Variants in TLL2 observed in about 807,000 individuals in gnomAD.
The protein encoded by TLL2 is tolloid like 2.
TLL2 carries 106 observed loss-of-function variants against 123.0 expected under a neutral mutation model. That is an observed-to-expected ratio of 0.86 (90% CI 0.74 to 1.01). The LOEUF (loss-of-function observed/expected upper bound fraction) is 1.01, where lower values mean the gene tolerates loss of function less well. Among genes scored for constraint, TLL2 ranks in the 50% least tolerant of loss-of-function variants. The probability of loss-of-function intolerance (pLI) is 0.00; values close to 1 mark genes in which losing one functional copy is unlikely to be tolerated. For missense variants in TLL2, 1,332 were observed against 1,336.7 expected (o/e 1.00, Z 0.06); for synonymous variants, 494 against 516.8 (o/e 0.96, Z 0.60).
Position 96,397,314 on chromosome 10 carries a change from A to G in TLL2, c.1268-12T>C, listed in dbSNP as rs368910805. 3.7e-6 allele frequency: 6 copies of G among 1,607,334 alleles called. No homozygotes were observed. In the African/African-American group the frequency reaches 8.0e-5, roughly 22 times the overall value. Reference sequence around the variant, plus strand: ...GCCACAAAACCTGCCTGGAAAGTGGAAAAAGAAGCAGTTAGGAGCCCTGGG... The same window carrying G: ...GCCACAAAACCTGCCTGGAAAGTGGGAAAAGAAGCAGTTAGGAGCCCTGGG... On this transcript the variant is annotated splice_polypyrimidine_tract_variant and intron_variant, in intron 10 of 20. Transcript: ENST00000357947.
chr10:96,392,142 C>T (rs532114020), intron 13 of TLL2, among the ~76,000 whole-genome samples: 16 of 152,242 alleles, frequency 1.1e-4, no homozygotes, highest in South Asian at 2.1e-4. Context: ...GTTGAATGCA[C>T]GCTAGATGGG....
intron 18 of TLL2, chr10:96,374,019 A>G: frequency 1.8e-6 from 1 of 571,426 alleles, no homozygotes; most frequent in Non-Finnish European, 3.1e-6. Context: ...AAGTGGCCCT[A>G]TGAAGTAGTT....
In TLL2 at chr10:96,373,721, ATGGGGGCCAGGC is replaced by A. The variant is rs1194907975; in HGVS notation, c.2525_2536del (p.Ser842_Pro845del). ...CTTGCTGCCGCAGAAACGGCCCAGA[ATGGGGGCCAGGC>A]TGTCCGGCCCGTCATACATTTCCAG... On this transcript the variant is annotated inframe_deletion, in exon 19 of 21. Transcript: ENST00000357947. The A allele has an allele frequency of 3.7e-6, 6 of 1,614,230 alleles. No homozygotes were observed. The highest frequency in any genetic ancestry group is 4.2e-6 in the Non-Finnish European group (5 of 1,180,030).
intron 2 of TLL2, among the ~76,000 whole-genome samples, chr10:96,469,544 C>G (rs1406185585): frequency 6.6e-6 from 1 of 152,208 alleles, no homozygotes; most frequent in Non-Finnish European, 1.5e-5. Context: ...CCACCAGCCT[C>G]CCGCCTGGGT....
At chr10:96,483,737 G>T (rs996161121) in intron 1 of TLL2, among the ~76,000 whole-genome samples, 4 of 152,080 alleles carry the variant, frequency 2.6e-5, no homozygotes, top group African/African-American at 7.2e-5. Context: ...AAGAGGGGAG[G>T]AGGCCTGTGA....
At chr10:96,386,246 T>C (rs768132460) in intron 14 of TLL2, 31 bp from the exon 15 acceptor site, 15 of 1,519,508 alleles carry the variant, frequency 9.9e-6, no homozygotes, top group Admixed American at 4.1e-5. Flanking sequence ...CAGGATTCAT[T>C]TGGCTTTGGC....
At chr10:96,374,778 C>G (rs548690274) in intron 18 of TLL2, among the ~76,000 whole-genome samples, 78 of 152,290 alleles carry the variant, frequency 5.1e-4, no homozygotes, top group African/African-American at 1.8e-3. Flanking sequence ...TGTCCCCTAA[C>G]GCTCGCCAGG....
Position 96,366,074 on chromosome 10 carries a change from C to T in TLL2, c.*2014G>A, listed in dbSNP as rs75424053. On this transcript the variant is annotated 3_prime_UTR_variant, in exon 21 of 21. Transcript: ENST00000357947. Reference sequence around the variant, plus strand: ...TATTTCCTTGGAGAAAGAACCATAACACCCATCTTAGGTTTCCCAGTTCCA... The same window carrying T: ...TATTTCCTTGGAGAAAGAACCATAATACCCATCTTAGGTTTCCCAGTTCCA... 3.3e-5 allele frequency: 5 copies of T among 152,326 alleles called. No individual in the cohort carries two copies. In the East Asian group the frequency reaches 9.6e-4, roughly 29 times the overall value. 9.4% of individuals were successfully genotyped at this position (152,326 alleles called of 1,614,324 possible). A position where few individuals can be genotyped will look rare whatever the true frequency, so the allele number is the denominator to read the frequency against.
At position 96,368,183 on chromosome 10, in the gene TLL2, T is replaced by C; in HGVS notation, c.2953A>G (p.Ile985Val). The change falls in exon 21 of 21, where the codon ATT (isoleucine) becomes GTT (valine). Residue 985 changes from isoleucine (I) to valine (V), a missense_variant. Transcript: ENST00000357947. ...ATGGTGTCATCTGTGCGGAATCGAATCATCAGGGAATCACCTGCAGAGTAG... is the reference window on the plus strand; with the variant it reads ...ATGGTGTCATCTGTGCGGAATCGAACCATCAGGGAATCACCTGCAGAGTAG... The part of the protein sequence containing the change: ...EIYSAGDSLM[I>V]RFRTDDTINK... 2 of 1,614,160 alleles carry C rather than the reference T, an allele frequency of 1.2e-6. No individual in the cohort carries two copies. The highest frequency in any genetic ancestry group is 1.7e-6 in the Non-Finnish European group (2 of 1,180,044).
At chr10:96,445,066 G>T (rs1300248530) in intron 3 of TLL2, among the ~76,000 whole-genome samples, 1 of 152,046 alleles carries the variant, frequency 6.6e-6, no homozygotes, top group Non-Finnish European at 1.5e-5. Flanking sequence ...GCGGGCGCCT[G>T]TAGTCCCAGC....
Position 96,367,974 on chromosome 10 carries a change from G to A in TLL2, c.*114C>T. ...CTCTAAGGCTGGATTCTGAGTTTTT[G>A]TTTGAGAAAAATACTGTACACTGTT... On this transcript the variant is annotated 3_prime_UTR_variant, in exon 21 of 21. Coordinates refer to ENST00000357947, the MANE Select transcript of TLL2 (RefSeq NM_012465.4). The A allele has an allele frequency of 5.3e-6, 7 of 1,323,936 alleles. No individual in the cohort carries two copies. The highest frequency in any genetic ancestry group is 7.1e-6 in the Non-Finnish European group (7 of 981,242). 82.0% of individuals were successfully genotyped at this position (1,323,936 alleles called of 1,614,324 possible).
At chr10:96,414,107 C>A (rs995221976) in intron 7 of TLL2, among the ~76,000 whole-genome samples, 1 of 152,144 alleles carries the variant, frequency 6.6e-6, no homozygotes, top group Admixed American at 6.5e-5. Context: ...GCCAGCTGAG[C>A]GCTGGCCCTG....
At chr10:96,472,869 C>A (rs1373631828) in intron 2 of TLL2, among the ~76,000 whole-genome samples, 1 of 152,182 alleles carries the variant, frequency 6.6e-6, no homozygotes, top group Non-Finnish European at 1.5e-5. Context: ...AACCCTAAAT[C>A]CAAGTTCTCT....
At chr10:96,396,905 G>A (rs75715548) in intron 11 of TLL2, among the ~76,000 whole-genome samples, 3,295 of 152,232 alleles carry the variant, frequency 0.022, 119 homozygotes, top group African/African-American at 0.072. Context: ...CCCCAATACC[G>A]TCCTGTATGG....
At chr10:96,430,273 T>C (rs1025709691) in intron 4 of TLL2, among the ~76,000 whole-genome samples, 1 of 152,198 alleles carries the variant, frequency 6.6e-6, no homozygotes, top group Non-Finnish European at 1.5e-5. Context: ...TAAAAGTGTG[T>C]GGTACCTACC....
chr10:96,386,071 T>C lies in TLL2; in HGVS notation c.1997A>G (p.Glu666Gly). The C allele has an allele frequency of 6.2e-7, 1 of 1,604,822 alleles. No homozygotes were observed. The highest frequency in any genetic ancestry group is 8.5e-7 in the Non-Finnish European group (1 of 1,175,778). ...YRISLQFEVF[E>G]LEGNDVCKYD... ...GAGACATACGTCATTGCCTTCCAGT[T>C]CAAACACTTCAAACTGAAGGGAGAT... Residue 666 changes from glutamate to glycine, a missense_variant, in exon 15 of 21, where the codon GAA becomes GGA. Physicochemically the swap from Glu to Gly is moderately conservative, Grantham distance 98. Coordinates refer to ENST00000357947, the MANE Select transcript of TLL2 (RefSeq NM_012465.4).
intron 13 of TLL2, among the ~76,000 whole-genome samples, chr10:96,388,179 G>A (rs555023810): frequency 1.3e-5 from 2 of 152,252 alleles, no homozygotes; most frequent in African/African-American, 4.8e-5. Flanking sequence ...TGAGGCGGGT[G>A]GATCACAAGG....
Position 96,387,095 on chromosome 10 carries a change from G to T in TLL2, c.1727-17C>A, listed in dbSNP as rs1846243147. ...CATCCACCTCTGGTGGGGAAGGAAG[G>T]TGACCCCGGTTACATTGTCAGGAAG... On this transcript the variant is annotated splice_polypyrimidine_tract_variant and intron_variant, in intron 13 of 20. Transcript: ENST00000357947. 1 of 1,609,536 alleles carries T rather than the reference G, an allele frequency of 6.2e-7. No homozygotes were observed. The highest frequency in any genetic ancestry group is 8.5e-7 in the Non-Finnish European group (1 of 1,176,574).
intron 3 of TLL2, among the ~76,000 whole-genome samples, chr10:96,445,168 G>A (rs1276071415): frequency 2.6e-5 from 4 of 152,164 alleles, no homozygotes; most frequent in African/African-American, 9.7e-5. Flanking sequence ...CAGCCTGGGC[G>A]ACAGAGCGAG....
Sources: gnomAD v4.1 joint callset for allele counts (sites outside exome capture counted in the v4.1 genomes callset) on GRCh38, gnomAD v4.1.1 for gene constraint, MANE v1.5 for transcripts, NCBI Gene and HGNC (gene_info 2026-07-23, HGNC 2026-07-21) for gene names.